NRG1: variants seen among roughly 807,000 people sequenced by gnomAD.
NRG1 encodes pro-neuregulin-1, membrane-bound isoform.
In NRG1, 18 loss-of-function variants were observed where a neutral mutation model predicts 63.8. The observed-to-expected ratio is 0.28, with a 90% CI of 0.19 to 0.42. The LOEUF is 0.42. NRG1 is among the 10% of genes least tolerant of loss of function. NRG1 has a pLI of 1.00. For missense variants in NRG1, 762 were observed against 814.7 expected (o/e 0.94, Z 0.79); for synonymous variants, 302 against 301.3 (o/e 1.00, Z -0.02).
At chr8:32,447,234 AG>A (rs1396908657) in intron 1 of NRG1, among the ~76,000 whole-genome samples, 1 of 151,678 alleles carries the variant, frequency 6.6e-6, no homozygotes, top group Non-Finnish European at 1.5e-5. Context: ...TATGTTGGCC[AG>A]GCTGGTCTTG....
chr8:32,535,009 G>A (rs937319562), intron 1 of NRG1, among the ~76,000 whole-genome samples: 2 of 152,128 alleles, frequency 1.3e-5, no homozygotes, highest in African/African-American at 2.4e-5. Flanking sequence ...TTTTAATGAG[G>A]TTGGGAAACA....
At chr8:32,364,957 C>CTTTTTTTGTTTTT in intron 1 of NRG1, among the ~76,000 whole-genome samples, 1 of 108,462 alleles carries the variant, frequency 9.2e-6, no homozygotes, top group Non-Finnish European at 1.8e-5. Context: ...CCCTTTACTA[C>CTTTTTTTGTTTTT]TTTTTTTTTT....
At chr8:31,959,762 A>T (rs1159668809) in intron 1 of NRG1, among the ~76,000 whole-genome samples, 1 of 150,720 alleles carries the variant, frequency 6.6e-6, no homozygotes, top group African/African-American at 2.4e-5. Context: ...CTTCCCTGGA[A>T]CCCCAAGCAA....
chr8:32,710,263 T>C lies in NRG1; in HGVS notation c.503-17686T>C, dbSNP rs138234484. ...TAACATCAAATGTCCCTGGAGATAA[T>C]TTTTTTATTTTATGTAATTTATCTG... On this transcript the variant is annotated intron_variant, in intron 5 of 11. Transcript: ENST00000356819. Among the ~76,000 whole-genome samples, 395 of 152,292 alleles carry C rather than the reference T, an allele frequency of 2.6e-3. 3 individuals are homozygous for C. The highest frequency in any genetic ancestry group is 8.8e-3 in the African/African-American group (368 of 41,586).
At chr8:31,654,533 G>A (rs1805229636) in intron 1 of NRG1, among the ~76,000 whole-genome samples, 1 of 152,246 alleles carries the variant, frequency 6.6e-6, no homozygotes, top group Non-Finnish European at 1.5e-5. Flanking sequence ...GTTCGGCTTT[G>A]TAAGGATCTT....
At chr8:31,748,583 G>A (rs1035593114) in intron 1 of NRG1, among the ~76,000 whole-genome samples, 14 of 152,044 alleles carry the variant, frequency 9.2e-5, no homozygotes, top group African/African-American at 3.4e-4. Context: ...ACCTAGAGCA[G>A]TGACATTTTT....
At chr8:32,424,947 G>A (rs141044922) in intron 1 of NRG1, among the ~76,000 whole-genome samples, 16 of 152,108 alleles carry the variant, frequency 1.1e-4, no homozygotes, top group Admixed American at 8.5e-4. Flanking sequence ...TTGAGTCTTT[G>A]TTTCCTCATC....
chr8:32,043,939 A>C (rs1197418530), intron 1 of NRG1, among the ~76,000 whole-genome samples: 1 of 151,980 alleles, frequency 6.6e-6, no homozygotes, highest in Non-Finnish European at 1.5e-5. Context: ...TGGTAGACTT[A>C]AATCCAAGCA....
chr8:31,851,580 A>G (rs1233667803), intron 1 of NRG1, among the ~76,000 whole-genome samples: 2 of 152,090 alleles, frequency 1.3e-5, no homozygotes, highest in African/African-American at 4.8e-5. Flanking sequence ...GCCATTTGAT[A>G]TGGGAATACA....
intron 11 of NRG1, chr8:32,760,727 G>T: frequency 8.9e-7 from 1 of 1,120,834 alleles, no homozygotes; most frequent in Non-Finnish European, 1.1e-6. Context: ...GTCCTCAGTT[G>T]TAACATTAGA....
chr8:31,790,249 C>G (rs1352698680), intron 1 of NRG1, among the ~76,000 whole-genome samples: 1 of 151,936 alleles, frequency 6.6e-6, no homozygotes, highest in Admixed American at 6.6e-5. Context: ...ATATGGGACC[C>G]TAAAACTATT....
chr8:32,104,740 G>T (rs1436458028), intron 1 of NRG1, among the ~76,000 whole-genome samples: 2 of 151,750 alleles, frequency 1.3e-5, no homozygotes, highest in Non-Finnish European at 2.9e-5. Context: ...ATTAGCCTAG[G>T]CCCACACAGG....
chr8:32,493,561 T>C (rs1236286235), intron 1 of NRG1, among the ~76,000 whole-genome samples: 1 of 152,216 alleles, frequency 6.6e-6, no homozygotes, highest in East Asian at 1.9e-4. Context: ...CTCAAACAGA[T>C]ACAATGACAT....
Position 31,976,203 on chromosome 8 carries a change from T to C in NRG1, c.37+336772T>C, listed in dbSNP as rs80132917. Among the ~76,000 whole-genome samples the C allele has an allele frequency of 8.3e-3, 1,258 of 152,262 alleles. 18 individuals are homozygous for C. The highest frequency in any genetic ancestry group is 0.029 in the African/African-American group (1,206 of 41,562). ...CCAATTACCATTGTTTGGTAAAAGATTGGGAGTTCTGGATTTAACTGCTTG... is the reference window on the plus strand; with the variant it reads ...CCAATTACCATTGTTTGGTAAAAGACTGGGAGTTCTGGATTTAACTGCTTG... On this transcript the variant is annotated intron_variant, in intron 1 of 10. Coordinates refer to the NRG1 transcript ENST00000519301.
intron 1 of NRG1, among the ~76,000 whole-genome samples, chr8:32,021,427 G>T (rs1456670640): frequency 6.6e-6 from 1 of 152,116 alleles, no homozygotes; most frequent in East Asian, 1.9e-4. Flanking sequence ...ATTTCCTCAA[G>T]AACTAATTTA....
intron 1 of NRG1, among the ~76,000 whole-genome samples, chr8:31,742,744 T>A (rs562228323): frequency 6.6e-6 from 1 of 151,962 alleles, no homozygotes; most frequent in Non-Finnish European, 1.5e-5. Context: ...GTACCTTGTA[T>A]CTTTAAATCT....
At position 31,739,204 on chromosome 8, in the gene NRG1, G is replaced by A. The variant is rs117345090; in HGVS notation, c.37+99773G>A. On this transcript the variant is annotated intron_variant, in intron 1 of 10. Coordinates refer to the NRG1 transcript ENST00000519301. Reference sequence around the variant, plus strand: ...TGGACAAAGCCAGGTCTGATAAAGCGTTAGAATTTGTCATGGCTGGTCTTC... The same window carrying A: ...TGGACAAAGCCAGGTCTGATAAAGCATTAGAATTTGTCATGGCTGGTCTTC... Among the ~76,000 whole-genome samples the A allele has an allele frequency of 3.9e-3, 591 of 152,166 alleles. 1 individual carries two copies. Among genetic ancestry groups the A allele is most frequent in the South Asian group, 0.019 (91 of 4,830 alleles).
chr8:32,118,834 T>C (rs1316960425), intron 1 of NRG1, among the ~76,000 whole-genome samples: 3 of 152,052 alleles, frequency 2.0e-5, no homozygotes, highest in African/African-American at 7.2e-5. Context: ...AGTGTTCCTT[T>C]CTTCATAGGT....
At chr8:32,249,803 C>G (rs1170979422) in intron 1 of NRG1, among the ~76,000 whole-genome samples, 1 of 152,046 alleles carries the variant, frequency 6.6e-6, no homozygotes, top group Admixed American at 6.6e-5. Context: ...ACCAAACTAT[C>G]AAATACAGGA....
Sources: allele counts gnomAD v4.1 joint callset (sites outside exome capture counted in the v4.1 genomes callset), GRCh38; gene constraint gnomAD v4.1.1; transcripts MANE v1.5; gene names NCBI Gene and HGNC (gene_info 2026-07-23, HGNC 2026-07-21).